TASP1: variants seen among roughly 807,000 people sequenced by gnomAD.
The protein encoded by TASP1 is taspase 1.
In TASP1, 16 loss-of-function variants were observed where a neutral mutation model predicts 56.6. The observed-to-expected ratio is 0.28, with a 90% CI of 0.19 to 0.43. The LOEUF is 0.43. TASP1 is among the 20% of genes least tolerant of loss of function. The pLI, the probability that TASP1 is intolerant of heterozygous loss-of-function variation, is 1.00. For synonymous variants in TASP1, 179 were observed against 184.2 expected (o/e 0.97, Z 0.23); for missense variants, 393 against 511.6 (o/e 0.77, Z 2.24).
intron 4 of TASP1, among the ~76,000 whole-genome samples, chr20:13,599,521 C>T (rs199711770): frequency 6.6e-6 from 1 of 152,122 alleles, no homozygotes; most frequent in East Asian, 1.9e-4. Context: ...ACACCAGGGC[C>T]TGTCAGGCGG....
chr20:13,515,548 T>TAAAAAAAAAAAA (rs34077486), intron 10 of TASP1, among the ~76,000 whole-genome samples: 1 of 122,978 alleles, frequency 8.1e-6, no homozygotes. Context: ...TTCATACACT[T>TAAAAAAAAAAAA]AAAAAAAAAA....
At chr20:13,621,683 A>G (rs1488475251) in intron 4 of TASP1, among the ~76,000 whole-genome samples, 1 of 152,248 alleles carries the variant, frequency 6.6e-6, no homozygotes, top group Non-Finnish European at 1.5e-5. Context: ...TTAAGTATAA[A>G]TAAGTAAACC....
At chr20:13,539,979 C>T (rs2045562941) in intron 8 of TASP1, among the ~76,000 whole-genome samples, 1 of 152,096 alleles carries the variant, frequency 6.6e-6, no homozygotes, top group Non-Finnish European at 1.5e-5. Context: ...ATACTCATGG[C>T]TTAAATTATT....
In TASP1 at chr20:13,624,519, C is replaced by CAG. The variant is rs200324013; in HGVS notation, c.213+664_213+665dup. 2.9e-4 allele frequency among the ~76,000 whole-genome samples: 44 copies of CAG among 151,538 alleles called. 2 individuals are homozygous for CAG. Among genetic ancestry groups the CAG allele is most frequent in the African/African-American group, 8.5e-4 (35 of 41,398 alleles). On this transcript the variant is annotated intron_variant, in intron 3 of 13. Transcript: ENST00000337743. Reference sequence around the variant, plus strand: ...GTTACGTAAATATCAATGAAAAGAGCAGAGAGAGAGAGACGCATATTTACT... The same window carrying CAG: ...GTTACGTAAATATCAATGAAAAGAGCAGAGAGAGAGAGAGACGCATATTTACT...
At position 13,629,380 on chromosome 20, in the gene TASP1, AAAG is replaced by A. The variant is rs202214479; in HGVS notation, c.145+551_145+553del. Among the ~76,000 whole-genome samples, 1,287 of 151,522 alleles carry A rather than the reference AAAG, an allele frequency of 8.5e-3. 22 individuals carry two copies. Among genetic ancestry groups the A allele is most frequent in the African/African-American group, 0.03 (1,224 of 41,024 alleles). On this transcript the variant is annotated intron_variant, in intron 2 of 13. Coordinates refer to ENST00000337743, the MANE Select transcript of TASP1 (RefSeq NM_017714.3). ...ACTCCATCTCAAAAAAAAAAAAAAAAAAGAAGGTGAACCAGCTCAAAGATTGTG... is the reference window on the plus strand; with the variant it reads ...ACTCCATCTCAAAAAAAAAAAAAAAAAAGGTGAACCAGCTCAAAGATTGTG...
At chr20:13,237,265 C>T in the TASP1 span, among the ~76,000 whole-genome samples, 2 of 152,220 alleles carry the variant, frequency 1.3e-5, no homozygotes, top group African/African-American at 2.4e-5. Flanking sequence ...AATCTATTCA[C>T]TAATGCACTC....
chr20:13,276,649 G>C, the TASP1 span, among the ~76,000 whole-genome samples: 1 of 150,442 alleles, frequency 6.6e-6, no homozygotes, highest in Non-Finnish European at 1.5e-5. Context: ...AGGACGGTAA[G>C]ATCTAGAGAC....
At chr20:13,453,159 G>T (rs1478385792) in intron 11 of TASP1, among the ~76,000 whole-genome samples, 1 of 152,024 alleles carries the variant, frequency 6.6e-6, no homozygotes, top group African/African-American at 2.4e-5. Context: ...GAAACAACAT[G>T]AAAAGAAAAT....
At chr20:13,570,370 G>A (rs2046670859) in intron 6 of TASP1, among the ~76,000 whole-genome samples, 1 of 152,110 alleles carries the variant, frequency 6.6e-6, no homozygotes, top group South Asian at 2.1e-4. Context: ...CAGCCAGCTA[G>A]TAATGGATTC....
intron 11 of TASP1, among the ~76,000 whole-genome samples, chr20:13,455,726 C>T (rs1273904779): frequency 1.3e-5 from 2 of 152,136 alleles, no homozygotes; most frequent in Admixed American, 6.5e-5. Context: ...AGAGGACTGA[C>T]AATTAACAGC....
intron 12 of TASP1, among the ~76,000 whole-genome samples, chr20:13,430,942 G>A (rs928068514): frequency 3.3e-5 from 5 of 152,078 alleles, no homozygotes; most frequent in African/African-American, 7.2e-5. Context: ...TCTACATAAC[G>A]GCTTCCAGGA....
chr20:13,432,649 T>A (rs1415845802), intron 12 of TASP1, among the ~76,000 whole-genome samples: 2 of 152,196 alleles, frequency 1.3e-5, no homozygotes, highest in African/African-American at 4.8e-5. Context: ...GTTTCACTTA[T>A]TTCATAAACT....
the TASP1 span, among the ~76,000 whole-genome samples, chr20:13,272,349 G>A: frequency 0.14 from 21,611 of 152,014 alleles, 1,597 homozygotes; most frequent in East Asian, 0.21. Flanking sequence ...GAGAACACTT[G>A]GAATACCAAC....
chr20:13,297,758 G>C, the TASP1 span, among the ~76,000 whole-genome samples: 2 of 152,142 alleles, frequency 1.3e-5, no homozygotes, highest in African/African-American at 4.8e-5. Flanking sequence ...TTTATAATTG[G>C]AATAACCTAA....
chr20:13,472,457 T>C (rs191767729), intron 11 of TASP1, among the ~76,000 whole-genome samples: 11 of 150,804 alleles, frequency 7.3e-5, no homozygotes, highest in South Asian at 2.1e-4. Flanking sequence ...CCAAAAGCAA[T>C]CGCAACAAAA....
the TASP1 span, among the ~76,000 whole-genome samples, chr20:13,253,223 C>A: frequency 9.5e-3 from 1,449 of 152,300 alleles, 28 homozygotes; most frequent in African/African-American, 0.033. Context: ...GATCTTCTCA[C>A]CCTGCGTGTT....
chr20:13,176,810 A>T, the TASP1 span, among the ~76,000 whole-genome samples: 170 of 152,350 alleles, frequency 1.1e-3, 5 homozygotes, highest in East Asian at 0.028. Context: ...GTTTCTGTAT[A>T]TGAACAACAA....
rs75209081 is a variant in TASP1 at position 13,415,408 on chromosome 20, G to A, written c.1170+2040C>T. Among the ~76,000 whole-genome samples, 1,284 of 148,772 alleles carry A rather than the reference G, an allele frequency of 8.6e-3. 16 individuals carry two copies. The highest frequency in any genetic ancestry group is 0.03 in the African/African-American group (1,215 of 40,674). ...TTTTCTTTTTGATCAATAAAATTCC[G>A]CAGCCAAATCATTAGTGTTTTTGTT... On this transcript the variant is annotated intron_variant, in intron 13 of 13. Transcript: ENST00000337743.
At chr20:13,361,616 C>T in the TASP1 span, among the ~76,000 whole-genome samples, 11 of 151,766 alleles carry the variant, frequency 7.2e-5, no homozygotes, top group Admixed American at 6.6e-4. Flanking sequence ...TTATTAGGCC[C>T]CAGTCTCATT....
Sources: gnomAD v4.1 joint callset for allele counts (sites outside exome capture counted in the v4.1 genomes callset) on GRCh38, gnomAD v4.1.1 for gene constraint, MANE v1.5 for transcripts, NCBI Gene and HGNC (gene_info 2026-07-23, HGNC 2026-07-21) for gene names.